Variants in AARS2 observed in about 807,000 individuals in gnomAD.
The protein encoded by AARS2 is alanyl-tRNA synthetase 2, mitochondrial.
AARS2 carries 78 observed loss-of-function variants against 119.7 expected under a neutral mutation model. The observed-to-expected ratio is 0.65, with a 90% CI of 0.54 to 0.79. The LOEUF (loss-of-function observed/expected upper bound fraction) is 0.79. Among genes scored for constraint, AARS2 ranks in the 30% least tolerant of loss-of-function variants. The pLI, the probability that AARS2 is intolerant of heterozygous loss-of-function variation, is 0.00. For missense variants in AARS2, 1,157 were observed against 1,291.3 expected (o/e 0.90, Z 1.59); for synonymous variants, 502 against 526.3 (o/e 0.95, Z 0.63).
At position 44,311,142 on chromosome 6, in the gene AARS2, G is replaced by A. The variant is rs1352421365; in HGVS notation, c.601C>T (p.Leu201Phe). The A allele has an allele frequency of 1.2e-6, 2 of 1,614,158 alleles. No homozygotes were observed. Among genetic ancestry groups the A allele is most frequent in the Non-Finnish European group, 1.7e-6 (2 of 1,180,048 alleles). The part of the protein sequence containing the change: ...LSLGVPASRV[L>F]SFGPQENFWE... ...AAGTTCTCTTGTGGTCCAAAGGAAA[G>A]CACACGGCTAGCAGGCACCCTGGGG... The change falls in exon 4 of 22, where the codon CTT (leucine) becomes TTT (phenylalanine). Residue 201 changes from leucine to phenylalanine, a missense_variant. Physicochemically the swap from Leu to Phe is conservative, Grantham distance 22. Transcript: ENST00000244571.
chr6:44,311,590 C>A, intron 2 of AARS2, 55 bp from the exon 3 acceptor site: 1 of 1,598,646 alleles, frequency 6.3e-7, no homozygotes, highest in South Asian at 1.1e-5. Flanking sequence ...AGGGAGACCC[C>A]ACTGAAGTAA....
Position 44,313,073 on chromosome 6 carries a change from G to A in AARS2, c.243+8C>T. 1 of 1,612,918 alleles carries A rather than the reference G, an allele frequency of 6.2e-7. No individual in the cohort carries two copies. The highest frequency in any genetic ancestry group is 2.2e-5 in the East Asian group (1 of 44,880). On this transcript the variant is annotated splice_region_variant and intron_variant, in intron 1 of 21. Coordinates refer to ENST00000244571, the MANE Select transcript of AARS2 (RefSeq NM_020745.4). ...CTCCGCTCCCTATCAGTATGGTTCG[G>A]CCCTCACCTGGTTCATGCCCGCATT...
In AARS2 at chr6:44,304,280, G is replaced by C. The variant is rs1348142958; in HGVS notation, c.1908C>G (p.His636Gln). The C allele has an allele frequency of 6.2e-7, 1 of 1,614,194 alleles. No homozygotes were observed. Among genetic ancestry groups the C allele is most frequent in the South Asian group, 1.1e-5 (1 of 91,084 alleles). ...TCTGCCTCAGTGCCCAGTTCAGCAG[G>C]TGGGTGGCCGTATGCTTCGCCATGC... Reference protein sequence around the residue: ...LGCMAKHTATHLLNWALRQTL... With the variant: ...LGCMAKHTATQLLNWALRQTL... Residue 636 changes from histidine (H) to glutamine (Q), a missense_variant, in exon 14 of 22, where the codon CAC becomes CAG. Coordinates refer to ENST00000244571, the MANE Select transcript of AARS2 (RefSeq NM_020745.4).
At chr6:44,303,739 G>T (rs1284741208) in intron 14 of AARS2, among the ~76,000 whole-genome samples, 1 of 152,216 alleles carries the variant, frequency 6.6e-6, no homozygotes, top group Middle Eastern at 3.2e-3. Flanking sequence ...AGGATGGGGG[G>T]ATGCAGGGGC....
chr6:44,306,791 G>A, intron 7 of AARS2, 132 bp downstream of exon 7: 1 of 913,844 alleles, frequency 1.1e-6, no homozygotes, highest in Non-Finnish European at 1.8e-6. Context: ...TTAGCTTGCT[G>A]ATAGGATGCT....
chr6:44,302,734 G>T (rs2153353951), intron 17 of AARS2, 68 bp downstream of exon 17: 2 of 1,520,944 alleles, frequency 1.3e-6, no homozygotes, highest in Admixed American at 1.9e-5. Flanking sequence ...CTGAGCCTGA[G>T]CATGTCACCT....
Position 44,305,343 on chromosome 6 carries a change from G to T in AARS2, c.1435-145C>A. The T allele has an allele frequency of 7.5e-7, 1 of 1,338,910 alleles. No homozygotes were observed. Among genetic ancestry groups the T allele is most frequent in the Non-Finnish European group, 1.0e-6 (1 of 963,148 alleles). 82.9% of individuals were successfully genotyped at this position (1,338,910 alleles called of 1,614,324 possible). ...ATAAGAACTCAGGGCTTGGCTGGCTGCTAGAGCCCCTGAGCTGGTTGAACC... is the reference window on the plus strand; with the variant it reads ...ATAAGAACTCAGGGCTTGGCTGGCTTCTAGAGCCCCTGAGCTGGTTGAACC... On this transcript the variant is annotated intron_variant, in intron 10 of 21. Transcript: ENST00000244571. The surrounding 1 kb of genome is among the most constrained non-coding windows in gnomAD (Gnocchi z 4.6).
chr6:44,312,938 C>G lies in AARS2; in HGVS notation c.243+143G>C, dbSNP rs562028319. The G allele has an allele frequency of 7.9e-5, 102 of 1,299,324 alleles. 7 individuals carry two copies. In the South Asian group the frequency reaches 1.3e-3, roughly 16 times the overall value. The allele number at this position is 1,299,324 out of a possible 1,614,324, so 80.5% of individuals were successfully genotyped here. ...CCCTATACTCTGAGCGCCGTACCCC[C>G]ATCACTTTACCCAACCAAGCACCGC... On this transcript the variant is annotated intron_variant, in intron 1 of 21. Coordinates refer to ENST00000244571, the MANE Select transcript of AARS2 (RefSeq NM_020745.4).
rs909025780 is a variant in AARS2 at position 44,307,983 on chromosome 6, G to A, written c.895-589C>T. On this transcript the variant is annotated intron_variant, in intron 5 of 21. Coordinates refer to ENST00000244571, the MANE Select transcript of AARS2 (RefSeq NM_020745.4). The surrounding 1 kb of genome is among the most constrained non-coding windows in gnomAD (Gnocchi z 4.4). ...TCGTCTAACAGTCATGCCATTCACT[G>A]TGTTGCTCAAGTCAATAGCCTGGGA... Among the ~76,000 whole-genome samples the A allele has an allele frequency of 6.6e-6, 1 of 152,188 alleles. No individual in the cohort carries two copies. The highest frequency in any genetic ancestry group is 2.4e-5 in the African/African-American group (1 of 41,438).
rs1397646375 is a variant in AARS2, at chr6:44,305,116, C to T, written c.1517G>A (p.Gly506Glu). The T allele has an allele frequency of 6.2e-7, 1 of 1,614,052 alleles. No individual in the cohort carries two copies. Among genetic ancestry groups the T allele is most frequent in the Admixed American group, 1.7e-5 (1 of 60,036 alleles). The change falls in exon 11 of 22, where the codon GGA (glycine) becomes GAA (glutamate). Residue 506 changes from glycine to glutamate, a missense_variant. Gly to Glu is a moderately conservative substitution (Grantham distance 98). Transcript: ENST00000244571. This position sits in a 1 kb window ranked among gnomAD's most constrained non-coding sequence, Gnocchi z 4.6. The stretch of plus-strand genomic sequence containing the variant: ...GGGGCTGTCGTCAGTTGGGGGCACT[C>T]CTTGGCGCTGCAGCTCCCCAAGCGC... Reference protein sequence around the residue: ...VHALGELQRQGVPPTDDSPKY... With the variant: ...VHALGELQRQEVPPTDDSPKY...
rs1085307969 is a variant in AARS2 at position 44,302,821 on chromosome 6, G to A, written c.2345C>T (p.Thr782Ile). Residue 782 changes from threonine (T) to isoleucine (I), a missense_variant, in exon 17 of 22, where the codon ACT becomes ATT. Coordinates refer to ENST00000244571, the MANE Select transcript of AARS2 (RefSeq NM_020745.4). ...SKGTTRLLAV[T>I]GEQAQQAREL... ...GCTGACCTGCTGGGCCTGCTCCCCA[G>A]TGACGGCCAGCAGGCGGGTAGTGCC... The A allele has an allele frequency of 6.2e-7, 1 of 1,613,860 alleles. No individual in the cohort carries two copies. The highest frequency in any genetic ancestry group is 8.5e-7 in the Non-Finnish European group (1 of 1,179,950).
At position 44,311,011 on chromosome 6, in the gene AARS2, G is replaced by T; in HGVS notation, c.732C>A (p.Val244=). 1 of 1,613,954 alleles carries T rather than the reference G, an allele frequency of 6.2e-7. No homozygotes were observed. Among genetic ancestry groups the T allele is most frequent in the South Asian group, 1.1e-5 (1 of 91,052 alleles). The change falls in exon 4 of 22, where the codon GTC becomes GTA. Residue 244 remains valine, a synonymous_variant. Transcript: ENST00000244571. ...APQLVELWNL[V]FMQHNREADG... Reference sequence around the variant, plus strand: ...CCTATTACCTGTTGTGTTGCATGAAGACCAGGTTCCAAAGCTCTACCAGCT... The same window carrying T: ...CCTATTACCTGTTGTGTTGCATGAATACCAGGTTCCAAAGCTCTACCAGCT...
rs1299972006 is a variant in AARS2 at position 44,313,066 on chromosome 6, T to C, written c.243+15A>G. On this transcript the variant is annotated intron_variant, in intron 1 of 21. Coordinates refer to ENST00000244571, the MANE Select transcript of AARS2 (RefSeq NM_020745.4). Reference sequence around the variant, plus strand: ...TCACGAACTCCGCTCCCTATCAGTATGGTTCGGCCCTCACCTGGTTCATGC... The same window carrying C: ...TCACGAACTCCGCTCCCTATCAGTACGGTTCGGCCCTCACCTGGTTCATGC... 2 of 1,612,922 alleles carry C rather than the reference T, an allele frequency of 1.2e-6. No homozygotes were observed. The highest frequency in any genetic ancestry group is 1.7e-5 in the Admixed American group (1 of 59,988).
intron 2 of AARS2, among the ~76,000 whole-genome samples, chr6:44,311,782 C>A (rs943842916): frequency 2.0e-5 from 3 of 152,238 alleles, no homozygotes; most frequent in Non-Finnish European, 4.4e-5. Context: ...ACATGAAATT[C>A]TCTGCCTACT....
Position 44,307,680 on chromosome 6 carries a change from C to G in AARS2, c.895-286G>C, listed in dbSNP as rs573825800. ...ACAACATGGCCTCGAATCCCCAAAA[C>G]AGCCCATTCCAGGAGGTATTAGCAT... On this transcript the variant is annotated intron_variant, in intron 5 of 21. Coordinates refer to ENST00000244571, the MANE Select transcript of AARS2 (RefSeq NM_020745.4). The surrounding 1 kb of genome is among the most constrained non-coding windows in gnomAD (Gnocchi z 4.4). 65 of 512,830 alleles carry G rather than the reference C, an allele frequency of 1.3e-4. No homozygotes were observed. The highest frequency in any genetic ancestry group is 9.4e-4 in the Admixed American group (29 of 30,696). The allele number at this position is 512,830 out of a possible 1,614,324, so 31.8% of individuals were successfully genotyped here. A position where few individuals can be genotyped will look rare whatever the true frequency, so the allele number is the denominator to read the frequency against.
At chr6:44,306,211 G>T in intron 9 of AARS2, 69 bp downstream of exon 9, 1 of 1,465,702 alleles carries the variant, frequency 6.8e-7, no homozygotes, top group East Asian at 2.3e-5. Flanking sequence ...CTGGCCCAGA[G>T]CTCCCTCCTC....
intron 7 of AARS2, 103 bp from the exon 8 acceptor site, chr6:44,306,635 C>T: frequency 7.3e-7 from 1 of 1,365,954 alleles, no homozygotes; most frequent in Non-Finnish European, 1.0e-6. Context: ...GAGGCTCAGA[C>T]ACATTGAGGG....
At position 44,303,383 on chromosome 6, in the gene AARS2, G is replaced by A. The variant is rs762999550; in HGVS notation, c.2048C>T (p.Thr683Ile). ...TPEQLRAVEN[T>I]VQEAVGQDEA... ...ATCCTGCCCCACGGCCTCCTGCACAGTGTTCTCCACTGCCCGGAGCTGCTC... is the reference window on the plus strand; with the variant it reads ...ATCCTGCCCCACGGCCTCCTGCACAATGTTCTCCACTGCCCGGAGCTGCTC... Residue 683 changes from threonine (T) to isoleucine (I), a missense_variant, in exon 15 of 22, where the codon ACT becomes ATT. Thr to Ile is a moderately conservative substitution (Grantham distance 89, BLOSUM62 -1). Coordinates refer to ENST00000244571, the MANE Select transcript of AARS2 (RefSeq NM_020745.4). 3 of 1,613,938 alleles carry A rather than the reference G, an allele frequency of 1.9e-6. No homozygotes were observed. The highest frequency in any genetic ancestry group is 1.1e-5 in the South Asian group (1 of 91,090).
Position 44,311,133 on chromosome 6 carries a change from C to T in AARS2, c.610G>A (p.Gly204Arg), listed in dbSNP as rs1554149008. The stretch of plus-strand genomic sequence containing the variant: ...ATCTCCCAGAAGTTCTCTTGTGGTC[C>T]AAAGGAAAGCACACGGCTAGCAGGC... Reference protein sequence around the residue: ...GVPASRVLSFGPQENFWEMGD... With the variant: ...GVPASRVLSFRPQENFWEMGD... The change falls in exon 4 of 22, where the codon GGA becomes AGA. Residue 204 changes from glycine (G) to arginine (R), a missense_variant. By Grantham distance (125) the Gly-to-Arg change is moderately radical (BLOSUM62 -2). Transcript: ENST00000244571. The T allele has an allele frequency of 6.2e-7, 1 of 1,614,114 alleles. No homozygotes were observed. Among genetic ancestry groups the T allele is most frequent in the Non-Finnish European group, 8.5e-7 (1 of 1,180,036 alleles).
Sources: allele counts gnomAD v4.1 joint callset (sites outside exome capture counted in the v4.1 genomes callset), GRCh38; gene constraint gnomAD v4.1.1; non-coding constraint Gnocchi (gnomAD v3.1); transcripts MANE v1.5; gene names NCBI Gene and HGNC (gene_info 2026-07-23, HGNC 2026-07-21).